Variants in FREM1 observed in about 807,000 individuals in gnomAD.
FREM1 encodes the protein FRAS1 related extracellular matrix 1.
In FREM1, 220 loss-of-function variants were observed where a neutral mutation model predicts 210.1. The observed-to-expected ratio is 1.05, with a 90% CI of 0.94 to 1.17. The LOEUF is 1.17. FREM1 is among the 50% of genes most tolerant of loss of function. The probability of loss-of-function intolerance (pLI) is 0.00; values close to 1 mark genes in which losing one functional copy is unlikely to be tolerated. For synonymous variants in FREM1, 1,189 were observed against 980.2 expected (o/e 1.21, Z -3.98); for missense variants, 3,454 against 2,675.5 (o/e 1.29, Z -6.42).
chr9:14,877,710 C>T (rs1379215548), intron 1 of FREM1, among the ~76,000 whole-genome samples: 2 of 152,140 alleles, frequency 1.3e-5, no homozygotes, highest in Non-Finnish European at 2.9e-5. Flanking sequence ...TGCCAACACC[C>T]TGAATGAGCT....
chr9:14,790,122 G>A (rs958881209), intron 22 of FREM1, among the ~76,000 whole-genome samples: 2 of 152,092 alleles, frequency 1.3e-5, no homozygotes, highest in East Asian at 3.9e-4. Flanking sequence ...TGGGGGCTCT[G>A]GTACAGCAAG....
chr9:14,850,231 G>C (rs1827443223), intron 6 of FREM1, among the ~76,000 whole-genome samples: 1 of 152,192 alleles, frequency 6.6e-6, no homozygotes, highest in African/African-American at 2.4e-5. Context: ...ACAGAGGAGA[G>C]AGGTGGAACC....
intron 20 of FREM1, among the ~76,000 whole-genome samples, chr9:14,798,571 C>T (rs949377654): frequency 2.0e-5 from 3 of 152,134 alleles, no homozygotes; most frequent in African/African-American, 7.2e-5. Context: ...GATCATCCCA[C>T]TTCACTCAAG....
chr9:14,786,342 G>C (rs963982515), intron 23 of FREM1, among the ~76,000 whole-genome samples: 1 of 151,906 alleles, frequency 6.6e-6, no homozygotes, highest in South Asian at 2.1e-4. Flanking sequence ...ATACTGAAAG[G>C]GTGAATATCC....
rs183638134 is a variant in FREM1 at position 14,746,637 on chromosome 9, C to G, written c.6139-169G>C. Among the ~76,000 whole-genome samples, 90 of 152,318 alleles carry G rather than the reference C, an allele frequency of 5.9e-4. No homozygotes were observed. The highest frequency in any genetic ancestry group is 2.0e-3 in the African/African-American group (85 of 41,572). On this transcript the variant is annotated intron_variant, in intron 34 of 36. Coordinates refer to ENST00000380880, the MANE Select transcript of FREM1 (RefSeq NM_001379081.2). ...TCTTGAGAAATACAATGGCTTCTTA[C>G]AGAAAACACTACCACAGTCAGCAAC...
chr9:14,761,022 C>A (rs761379933), intron 27 of FREM1, among the ~76,000 whole-genome samples: 3 of 152,174 alleles, frequency 2.0e-5, no homozygotes, highest in Non-Finnish European at 4.4e-5. Flanking sequence ...AACCTCTAGT[C>A]AGATTTAGAC....
Position 14,776,192 on chromosome 9 carries a change from C to T in FREM1, c.4454G>A (p.Ser1485Asn), listed in dbSNP as rs764759599. 3 of 1,521,348 alleles carry T rather than the reference C, an allele frequency of 2.0e-6. No individual in the cohort carries two copies. Among genetic ancestry groups the T allele is most frequent in the Non-Finnish European group, 2.6e-6 (3 of 1,135,368 alleles). The allele number at this position is 1,521,348 out of a possible 1,614,324, so 94.2% of individuals were successfully genotyped here. A position where few individuals can be genotyped will look rare whatever the true frequency, so the allele number is the denominator to read the frequency against. ...CCCGTGCTCGGTCCGCAGTCCATTG[C>T]TGATGATGAATCTGGTAAAGAGAGG... ...VSSDRFRFII[S>N]NGLRTEHGVF... The change falls in exon 25 of 37, where the codon AGC (serine) becomes AAC (asparagine). Residue 1485 changes from serine to asparagine, a missense_variant. Ser to Asn is a conservative substitution (Grantham distance 46). Transcript: ENST00000380880.
chr9:14,775,049 T>C (rs1450746842), intron 25 of FREM1, among the ~76,000 whole-genome samples: 1 of 152,226 alleles, frequency 6.6e-6, no homozygotes, highest in Admixed American at 6.5e-5. Flanking sequence ...AGTGTAAAGA[T>C]GCTGCCTTGT....
chr9:14,841,420 G>C (rs1056488135), intron 10 of FREM1, 27 bp downstream of exon 10: 4 of 1,548,778 alleles, frequency 2.6e-6, no homozygotes, highest in South Asian at 2.5e-5. Flanking sequence ...CAAGACTTTG[G>C]GAAAGTGTTC....
intron 1 of FREM1, among the ~76,000 whole-genome samples, chr9:14,884,822 G>T (rs1835473075): frequency 6.7e-6 from 1 of 150,370 alleles, no homozygotes; most frequent in African/African-American, 2.4e-5. Context: ...CTTCCTCTCT[G>T]GAATTTTGCA....
chr9:14,791,920 C>A (rs111974505), intron 22 of FREM1, among the ~76,000 whole-genome samples: 22 of 152,126 alleles, frequency 1.4e-4, no homozygotes, highest in African/African-American at 4.6e-4. Flanking sequence ...GCAACCTCTC[C>A]CCCCTCTCCC....
intron 1 of FREM1, among the ~76,000 whole-genome samples, chr9:14,891,681 G>A (rs1295281360): frequency 1.3e-5 from 2 of 152,230 alleles, no homozygotes; most frequent in Non-Finnish European, 2.9e-5. Context: ...ACGCTTCCCA[G>A]AAGGGGAAAG....
intron 18 of FREM1, among the ~76,000 whole-genome samples, chr9:14,805,712 A>G (rs1047652703): frequency 1.3e-5 from 2 of 152,232 alleles, no homozygotes; most frequent in African/African-American, 4.8e-5. Context: ...GTAACATTGA[A>G]TGCAATTAAT....
At chr9:14,804,925 G>C in intron 19 of FREM1, 31 bp downstream of exon 19, 1 of 1,521,480 alleles carries the variant, frequency 6.6e-7, no homozygotes, top group East Asian at 2.3e-5. Context: ...AATGATAAAA[G>C]AGAAATGGAA....
chr9:14,780,433 GAAA>G (rs58017285), intron 24 of FREM1, among the ~76,000 whole-genome samples: 5 of 81,548 alleles, frequency 6.1e-5, no homozygotes, highest in South Asian at 9.2e-4. Flanking sequence ...CAGCTCCTCA[GAAA>G]AAAAAAAAAA....
chr9:14,860,844 C>CATATATACGTATATATACATAT lies in FREM1; in HGVS notation c.330-1361_330-1360insATATGTATATATACGTATATAT, dbSNP rs1564102423. ...ATATATACATATATACGTATATATACATATATACGTATATATACACATATA... is the reference window on the plus strand; with the variant it reads ...ATATATACATATATACGTATATATACATATATACGTATATATACATATATATATACGTATATATACACATATA... On this transcript the variant is annotated intron_variant, in intron 3 of 36. Coordinates refer to ENST00000380880, the MANE Select transcript of FREM1 (RefSeq NM_001379081.2). 3.2e-4 allele frequency among the ~76,000 whole-genome samples: 30 copies of CATATATACGTATATATACATAT among 93,578 alleles called. 2 individuals carry two copies. The South Asian group carries it at 3.6e-3, about 11-fold the overall frequency. 61.4% of individuals were successfully genotyped at this position (93,578 alleles called of 152,430 possible). A position where few individuals can be genotyped will look rare whatever the true frequency, so the allele number is the denominator to read the frequency against.
intron 1 of FREM1, among the ~76,000 whole-genome samples, chr9:14,878,561 C>T (rs986632437): frequency 6.6e-6 from 1 of 152,190 alleles, no homozygotes; most frequent in Non-Finnish European, 1.5e-5. Flanking sequence ...TAATATAATG[C>T]ATTTGATCCT....
At chr9:14,826,961 AC>A (rs1822574781) in intron 10 of FREM1, among the ~76,000 whole-genome samples, 1 of 152,206 alleles carries the variant, frequency 6.6e-6, no homozygotes. Flanking sequence ...TTTATACATT[AC>A]CCAGTCTCAG....
At position 14,870,825 on chromosome 9, in the gene FREM1, C is replaced by G. The variant is rs1323681123; in HGVS notation, c.-267-1581G>C. 5.5e-5 allele frequency among the ~76,000 whole-genome samples: 7 copies of G among 127,162 alleles called. No individual in the cohort carries two copies. The East Asian group carries it at 1.8e-3, about 32-fold the overall frequency. 83.4% of individuals were successfully genotyped at this position (127,162 alleles called of 152,430 possible). Reference sequence around the variant, plus strand: ...CCCCCTCCCCCGACCCCACAACAGTCCCCAGAGTGTGATGTTCCCCTTCCT... The same window carrying G: ...CCCCCTCCCCCGACCCCACAACAGTGCCCAGAGTGTGATGTTCCCCTTCCT... On this transcript the variant is annotated intron_variant, in intron 1 of 36. Transcript: ENST00000380880.
Sources: gnomAD v4.1 joint callset for allele counts (sites outside exome capture counted in the v4.1 genomes callset) on GRCh38, gnomAD v4.1.1 for gene constraint, MANE v1.5 for transcripts, NCBI Gene and HGNC (gene_info 2026-07-23, HGNC 2026-07-21) for gene names.